The following TTC6 variants were observed in gnomAD, a reference collection of about 807,000 sequenced individuals.
TTC6 encodes tetratricopeptide repeat domain 6.
In TTC6, 172 loss-of-function variants were observed where a neutral mutation model predicts 210.4. That is an observed-to-expected ratio of 0.82 (90% CI 0.72 to 0.93). The LOEUF (loss-of-function observed/expected upper bound fraction) is 0.93, where lower values mean the gene tolerates loss of function less well. TTC6 is among the 40% of genes least tolerant of loss of function. The pLI is 0.00. For synonymous variants in TTC6, 804 were observed against 819.6 expected (o/e 0.98, Z 0.32); for missense variants, 2,414 against 2,318.1 (o/e 1.04, Z -0.85).
intron 29 of TTC6, among the ~76,000 whole-genome samples, chr14:37,833,343 G>A (rs1488252999): frequency 2.0e-5 from 3 of 152,058 alleles, no homozygotes; most frequent in Admixed American, 2.0e-4. Flanking sequence ...TTGCTTAACT[G>A]ATCTCTTTAT....
At chr14:37,639,565 A>G (rs1407028013) in intron 1 of TTC6, among the ~76,000 whole-genome samples, 1 of 152,056 alleles carries the variant, frequency 6.6e-6, no homozygotes, top group Non-Finnish European at 1.5e-5. Context: ...TTTAATTTTT[A>G]TTCATTTTTA....
At chr14:37,630,065 G>A (rs1002849552) in intron 1 of TTC6, among the ~76,000 whole-genome samples, 1 of 151,980 alleles carries the variant, frequency 6.6e-6, no homozygotes, top group African/African-American at 2.4e-5. Flanking sequence ...AGGGTTTTTC[G>A]TGTCTCTGCC....
chr14:37,775,853 C>T (rs1235248759), intron 14 of TTC6, among the ~76,000 whole-genome samples: 1 of 152,026 alleles, frequency 6.6e-6, no homozygotes, highest in Non-Finnish European at 1.5e-5. Context: ...TTGGATCGAA[C>T]CCTTTACCAT....
intron 1 of TTC6, 148 bp from the exon 2 acceptor site, chr14:37,606,515 C>G (rs1457383902): frequency 6.5e-6 from 1 of 153,884 alleles, no homozygotes; most frequent in Non-Finnish European, 1.4e-5. Context: ...ACAGCTTCAG[C>G]TCTCGCCAGT....
At chr14:37,717,473 A>G (rs8017711) in intron 6 of TTC6, among the ~76,000 whole-genome samples, 143,027 of 152,222 alleles carry the variant, frequency 0.94, 67,308 homozygotes, top group East Asian at 1. Flanking sequence ...ATTCTCGAAA[A>G]ACACAAACTA....
chr14:37,648,756 C>T (rs952835816), intron 1 of TTC6, among the ~76,000 whole-genome samples: 47 of 152,128 alleles, frequency 3.1e-4, no homozygotes, highest in Admixed American at 3.9e-4. Context: ...GATGTTAATT[C>T]CAACAATCCC....
At chr14:37,630,907 GT>G (rs746429138) in intron 1 of TTC6, among the ~76,000 whole-genome samples, 20 of 33,068 alleles carry the variant, frequency 6.0e-4, no homozygotes, top group South Asian at 1.3e-3. Flanking sequence ...GGCAACCCCT[GT>G]TTTTTTTTTT....
At chr14:37,730,552 G>C (rs888745125) in intron 7 of TTC6, among the ~76,000 whole-genome samples, 14 of 152,052 alleles carry the variant, frequency 9.2e-5, no homozygotes, top group Admixed American at 7.2e-4. Context: ...ATGTTTTTCT[G>C]ACTTTCTTTC....
At chr14:37,760,456 C>G (rs151170878) in intron 14 of TTC6, among the ~76,000 whole-genome samples, 1 of 152,310 alleles carries the variant, frequency 6.6e-6, no homozygotes, top group African/African-American at 2.4e-5. Context: ...GGAGGTCTCT[C>G]CCAGAAAGGA....
intron 3 of TTC6, among the ~76,000 whole-genome samples, chr14:37,693,697 A>T (rs780528758): frequency 6.6e-6 from 1 of 152,198 alleles, no homozygotes; most frequent in Non-Finnish European, 1.5e-5. Context: ...TTCAAATTAT[A>T]CTGCAAAGCT....
rs182634160 is a variant in TTC6 at position 37,604,953 on chromosome 14, T to C, written c.-234-1710T>C. Reference sequence around the variant, plus strand: ...TGCTCTCTTCAAAAATTATTTGATTTAAATTCCCTAAAAGTTTCTTCCTGG... The same window carrying C: ...TGCTCTCTTCAAAAATTATTTGATTCAAATTCCCTAAAAGTTTCTTCCTGG... On this transcript the variant is annotated intron_variant, in intron 1 of 2. Coordinates refer to the TTC6 transcript ENST00000556845. Among the ~76,000 whole-genome samples, 306 of 152,350 alleles carry C rather than the reference T, an allele frequency of 2.0e-3. 1 individual carries two copies. Among genetic ancestry groups the C allele is most frequent in the Middle Eastern group, 6.8e-3 (2 of 294 alleles).
chr14:37,654,339 T>A (rs1005143492), intron 1 of TTC6, among the ~76,000 whole-genome samples: 8 of 152,082 alleles, frequency 5.3e-5, no homozygotes, highest in Non-Finnish European at 1.0e-4. Flanking sequence ...TGTTTCACAT[T>A]GCCCCATAAA....
chr14:37,692,621 G>A (rs1157192263), intron 3 of TTC6, among the ~76,000 whole-genome samples: 1 of 152,024 alleles, frequency 6.6e-6, no homozygotes, highest in African/African-American at 2.4e-5. Flanking sequence ...CACTTTGGGA[G>A]GCTGAGGCAG....
chr14:37,749,364 T>C (rs1447348949), exon 11 of TTC6: 2 of 1,462,434 alleles, frequency 1.4e-6, no homozygotes, highest in East Asian at 2.5e-5. Flanking sequence ...TATAGGAAAC[T>C]GGGAAAGTTG....
chr14:37,663,588 T>C (rs556647671), intron 1 of TTC6, among the ~76,000 whole-genome samples: 1 of 152,114 alleles, frequency 6.6e-6, no homozygotes, highest in East Asian at 1.9e-4. Context: ...AATTCAAACT[T>C]TTTTACCTTA....
At chr14:37,724,830 G>C (rs2095868483) in intron 6 of TTC6, 68 bp from the exon 9 acceptor site, 1 of 863,368 alleles carries the variant, frequency 1.2e-6, no homozygotes, top group Non-Finnish European at 1.6e-6. Context: ...ATTTTGACAG[G>C]AGATTGAGTT....
intron 1 of TTC6, among the ~76,000 whole-genome samples, chr14:37,637,048 A>G (rs2095682185): frequency 6.6e-6 from 1 of 152,194 alleles, no homozygotes. Flanking sequence ...CTTCATTTCA[A>G]CAAATGGTTC....
At chr14:37,724,126 C>G (rs949667326) in intron 6 of TTC6, among the ~76,000 whole-genome samples, 4 of 152,012 alleles carry the variant, frequency 2.6e-5, no homozygotes, top group Non-Finnish European at 4.4e-5. Context: ...GAAATGTTAA[C>G]ATTTTGTCAT....
intron 1 of TTC6, among the ~76,000 whole-genome samples, chr14:37,665,350 A>T (rs2095745833): frequency 6.6e-6 from 1 of 150,592 alleles, no homozygotes; most frequent in South Asian, 2.1e-4. Flanking sequence ...CTTTGCAGGG[A>T]CATGGATGGA....
Sources: gnomAD v4.1 joint callset for allele counts (sites outside exome capture counted in the v4.1 genomes callset) on GRCh38, gnomAD v4.1.1 for gene constraint, MANE v1.5 for transcripts, NCBI Gene and HGNC (gene_info 2026-07-23, HGNC 2026-07-21) for gene names.